The following TIMP2 variants were observed in gnomAD, a reference collection of about 807,000 sequenced individuals.
The protein encoded by TIMP2 is metalloproteinase inhibitor 2.
TIMP2 carries 5 observed loss-of-function variants against 24.3 expected under a neutral mutation model. The observed-to-expected ratio is 0.21, with a 90% CI of 0.11 to 0.43. The LOEUF (loss-of-function observed/expected upper bound fraction) is 0.43, where lower values mean the gene tolerates loss of function less well. Ranked by LOEUF, TIMP2 falls within the 20% of genes least tolerant of loss-of-function variation. TIMP2 has a pLI of 1.00. For synonymous variants in TIMP2, 130 were observed against 123.2 expected, an observed-to-expected ratio of 1.06 and a Z score of -0.37; for missense variants, 221 against 297.5, an observed-to-expected ratio of 0.74 and a Z score of 1.89.
At chr17:78,887,805 C>G (rs2069838371) in intron 1 of TIMP2, among the ~76,000 whole-genome samples, 1 of 151,674 alleles carries the variant, frequency 6.6e-6, no homozygotes, top group South Asian at 2.1e-4. Context: ...TACATCCCAG[C>G]TGTGCCAAAA....
intron 1 of TIMP2, among the ~76,000 whole-genome samples, chr17:78,883,881 G>A (rs1046290528): frequency 4.6e-5 from 7 of 152,132 alleles, no homozygotes; most frequent in Admixed American, 3.9e-4. Context: ...CCCACGTCCC[G>A]CTGCCCTCCC....
chr17:78,874,211 A>T (rs2377005), intron 1 of TIMP2: 2 of 389,954 alleles, frequency 5.1e-6, no homozygotes, highest in Non-Finnish European at 9.3e-6. Flanking sequence ...TGACCAAGGC[A>T]GTTTCTGTAA....
chr17:78,891,800 C>T lies in TIMP2; in HGVS notation c.131-17881G>A. On this transcript the variant is annotated intron_variant, in intron 1 of 4. Coordinates refer to ENST00000262768, the MANE Select transcript of TIMP2 (RefSeq NM_003255.5). This position sits in a 1 kb window ranked among gnomAD's most constrained non-coding sequence, Gnocchi z 4.5. ...CCGAGGATGGATGGCACAGCGGCCA[C>T]CCCCAGACTTGGTCGAAGGTTCTGG... The T allele has an allele frequency of 6.4e-7, 1 of 1,551,038 alleles. No individual in the cohort carries two copies. Among genetic ancestry groups the T allele is most frequent in the Non-Finnish European group, 8.7e-7 (1 of 1,147,084 alleles).
intron 1 of TIMP2, among the ~76,000 whole-genome samples, chr17:78,903,592 A>G (rs2070127701): frequency 6.6e-6 from 1 of 152,168 alleles, no homozygotes; most frequent in Non-Finnish European, 1.5e-5. Context: ...TCACGCTTCT[A>G]AACAGCTCCA....
At position 78,869,662 on chromosome 17, in the gene TIMP2, A is replaced by T. The variant is rs986765986; in HGVS notation, c.340+1236T>A. Among the ~76,000 whole-genome samples the T allele has an allele frequency of 2.0e-5, 3 of 152,154 alleles. No homozygotes were observed. The East Asian group carries it at 5.9e-4, about 30-fold the overall frequency. On this transcript the variant is annotated intron_variant, in intron 3 of 4. Transcript: ENST00000262768. ...CCTGTCTGTACTAAAAATACAAAAA[A>T]AAATTAGCCAGGTGTGGTGGCGTGT...
intron 1 of TIMP2, among the ~76,000 whole-genome samples, chr17:78,893,525 CTGTTTA>C (rs944109505): frequency 2.2e-4 from 32 of 145,838 alleles, no homozygotes; most frequent in African/African-American, 8.3e-4. Flanking sequence ...GTGTGCACAT[CTGTTTA>C]TGTTTCTGTG....
intron 1 of TIMP2, among the ~76,000 whole-genome samples, chr17:78,895,917 T>C (rs981716904): frequency 4.6e-5 from 7 of 152,238 alleles, no homozygotes; most frequent in African/African-American, 1.7e-4. Flanking sequence ...TGGACAAGTC[T>C]TCCCTGCTCT....
rs2070336520 is a variant in TIMP2 at position 78,924,781 on chromosome 17, A to AG, written c.130+177dup. Among the ~76,000 whole-genome samples the AG allele has an allele frequency of 6.6e-6, 1 of 151,466 alleles. No individual in the cohort carries two copies. Among genetic ancestry groups the AG allele is most frequent in the Admixed American group, 6.6e-5 (1 of 15,210 alleles). On this transcript the variant is annotated intron_variant, in intron 1 of 4. Coordinates refer to ENST00000262768, the MANE Select transcript of TIMP2 (RefSeq NM_003255.5). The surrounding 1 kb of genome is among the most constrained non-coding windows in gnomAD (Gnocchi z 5.3). ...AGAGGGAAAGAAAGGGAGAGGAGGGAGGGGGGAAAGAAAGTCGGCTCTGGG... is the reference window on the plus strand; with the variant it reads ...AGAGGGAAAGAAAGGGAGAGGAGGGAGGGGGGGAAAGAAAGTCGGCTCTGGG...
chr17:78,916,305 G>C (rs181409852), intron 1 of TIMP2, among the ~76,000 whole-genome samples: 1 of 152,180 alleles, frequency 6.6e-6, no homozygotes, highest in Non-Finnish European at 1.5e-5. Flanking sequence ...ATGAATGTCA[G>C]TTCCCCTCGC....
At chr17:78,901,829 T>C (rs1164462694) in intron 1 of TIMP2, 2 of 711,576 alleles carry the variant, frequency 2.8e-6, no homozygotes, top group South Asian at 3.0e-5. Flanking sequence ...CAGAACACAT[T>C]ACAGGGAGGC....
intron 1 of TIMP2, among the ~76,000 whole-genome samples, chr17:78,889,079 CT>C (rs1380341491): frequency 2.0e-5 from 3 of 152,340 alleles, no homozygotes; most frequent in Non-Finnish European, 2.9e-5. Flanking sequence ...TGGCCACGCC[CT>C]TTCATTTACA....
At chr17:78,908,220 A>G (rs2070178296) in intron 1 of TIMP2, among the ~76,000 whole-genome samples, 1 of 152,208 alleles carries the variant, frequency 6.6e-6, no homozygotes, top group African/African-American at 2.4e-5. Flanking sequence ...CGCCCCTGCT[A>G]CTGTATATAT....
rs573946597 is a variant in TIMP2 at position 78,853,482 on chromosome 17, C to T, written c.*2185G>A. On this transcript the variant is annotated 3_prime_UTR_variant, in exon 5 of 5. Transcript: ENST00000262768. ...CTGCTCAGCACGGTTAAAAGACCAA[C>T]GTGTGTGGATCAAATATAAAGGCCA... 6 of 152,334 alleles carry T rather than the reference C, an allele frequency of 3.9e-5. No homozygotes were observed. The highest frequency in any genetic ancestry group is 4.1e-4 in the South Asian group (2 of 4,828). 9.4% of individuals were successfully genotyped at this position (152,334 alleles called of 1,614,324 possible). A position where few individuals can be genotyped will look rare whatever the true frequency, so the allele number is the denominator to read the frequency against.
At chr17:78,909,254 C>T (rs2070186753) in intron 1 of TIMP2, among the ~76,000 whole-genome samples, 1 of 152,000 alleles carries the variant, frequency 6.6e-6, no homozygotes, top group African/African-American at 2.4e-5. Flanking sequence ...ACTCGGGAGG[C>T]TGAAGTGGGA....
At chr17:78,856,076 GC>G (rs1389846303) in intron 4 of TIMP2, 6 of 590,566 alleles carry the variant, frequency 1.0e-5, no homozygotes, top group Non-Finnish European at 1.8e-5. Flanking sequence ...GCCCACCGCT[GC>G]CCCCCCTCCT....
At chr17:78,898,319 A>C (rs958031679) in intron 1 of TIMP2, 2 of 152,292 alleles carry the variant, frequency 1.3e-5, no homozygotes, top group African/African-American at 2.4e-5. Flanking sequence ...TCAGGGCAGC[A>C]GGGATTCCGG....
At chr17:78,882,981 G>C (rs534566393) in intron 1 of TIMP2, among the ~76,000 whole-genome samples, 1 of 152,142 alleles carries the variant, frequency 6.6e-6, no homozygotes, top group African/African-American at 2.4e-5. Context: ...CAGCGGGTGC[G>C]GCAGACCTCC....
intron 1 of TIMP2, among the ~76,000 whole-genome samples, chr17:78,906,059 T>C (rs1034748105): frequency 6.6e-6 from 1 of 152,248 alleles, no homozygotes; most frequent in Non-Finnish European, 1.5e-5. Flanking sequence ...GTCTTATCAA[T>C]GCACATACCT....
chr17:78,853,498 A>G lies in TIMP2; in HGVS notation c.*2169T>C, dbSNP rs776570768. 6.6e-5 allele frequency: 10 copies of G among 152,178 alleles called. No homozygotes were observed. The highest frequency in any genetic ancestry group is 1.3e-4 in the Non-Finnish European group (9 of 68,024). 9.4% of individuals were successfully genotyped at this position (152,178 alleles called of 1,614,324 possible). A position where few individuals can be genotyped will look rare whatever the true frequency, so the allele number is the denominator to read the frequency against. The stretch of plus-strand genomic sequence containing the variant: ...AAAGACCAACGTGTGTGGATCAAAT[A>G]TAAAGGCCACACCTTTCAGACCGAA... On this transcript the variant is annotated 3_prime_UTR_variant, in exon 5 of 5. Transcript: ENST00000262768.
Sources: allele counts gnomAD v4.1 joint callset (sites outside exome capture counted in the v4.1 genomes callset), GRCh38; gene constraint gnomAD v4.1.1; non-coding constraint Gnocchi (gnomAD v3.1); transcripts MANE v1.5; gene names NCBI Gene and HGNC (gene_info 2026-07-23, HGNC 2026-07-21).